KAZN: variants seen among roughly 807,000 people sequenced by gnomAD.
The protein encoded by KAZN is kazrin.
A neutral mutation model predicts 87.4 loss-of-function variants in KAZN; 40 were observed. That is an observed-to-expected ratio of 0.46 (90% CI 0.36 to 0.60). The LOEUF (loss-of-function observed/expected upper bound fraction) is 0.60. KAZN is among the 20% of genes least tolerant of loss of function. The pLI is 0.00. For synonymous variants in KAZN, 466 were observed against 458.3 expected, an observed-to-expected ratio of 1.02 and a Z score of -0.22; for missense variants, 898 against 1,073.9, an observed-to-expected ratio of 0.84 and a Z score of 2.29.
intron 4 of KAZN, among the ~76,000 whole-genome samples, chr1:15,048,885 T>A (rs1168567378): frequency 6.6e-6 from 1 of 151,636 alleles, no homozygotes; most frequent in African/African-American, 2.4e-5. Context: ...TCGTTGGTCC[T>A]GGGTCGTTGG....
chr1:14,730,924 T>G (rs1294849839), intron 1 of KAZN, among the ~76,000 whole-genome samples: 1 of 152,150 alleles, frequency 6.6e-6, no homozygotes, highest in Non-Finnish European at 1.5e-5. Flanking sequence ...TGCCCACTCT[T>G]GGGCACAGCA....
intron 1 of KAZN, among the ~76,000 whole-genome samples, chr1:13,993,898 G>A (rs1639394951): frequency 6.6e-6 from 1 of 152,200 alleles, no homozygotes; most frequent in Admixed American, 6.5e-5. Context: ...ATAGTTTTAT[G>A]TCAATCCCTT....
intron 2 of KAZN, among the ~76,000 whole-genome samples, chr1:14,446,349 A>C (rs1412595226): frequency 6.6e-6 from 1 of 152,210 alleles, no homozygotes; most frequent in Non-Finnish European, 1.5e-5. Context: ...CCCAGGGCCC[A>C]GTACATAGCA....
At chr1:15,015,170 T>C (rs1000926335) in intron 2 of KAZN, among the ~76,000 whole-genome samples, 1 of 149,698 alleles carries the variant, frequency 6.7e-6, no homozygotes, top group Non-Finnish European at 1.5e-5. Context: ...ATTTATTTAT[T>C]TGAGACGGAG....
intron 2 of KAZN, among the ~76,000 whole-genome samples, chr1:14,422,655 A>G (rs1226125565): frequency 2.0e-5 from 3 of 152,250 alleles, no homozygotes; most frequent in South Asian, 2.1e-4. Flanking sequence ...ATACAGTTAT[A>G]TGATATCTAG....
chr1:14,158,278 G>A (rs1645638287), intron 1 of KAZN, among the ~76,000 whole-genome samples: 2 of 152,018 alleles, frequency 1.3e-5, no homozygotes, highest in Admixed American at 6.6e-5. Context: ...TTATAGGTGT[G>A]CTTCATTGTT....
At position 15,081,953 on chromosome 1, in the gene KAZN, G is replaced by A. The variant is rs573168195; in HGVS notation, c.1223-12227G>A. On this transcript the variant is annotated intron_variant, in intron 8 of 14. Coordinates refer to ENST00000376030, the MANE Select transcript of KAZN (RefSeq NM_201628.3). This position sits in a 1 kb window ranked among gnomAD's most constrained non-coding sequence, Gnocchi z 4.1. The stretch of plus-strand genomic sequence containing the variant: ...TAAAAAAATTTCCTCTGGGCTTGAA[G>A]AGGATGGAATGAAAGAGAAAGAGGG... Among the ~76,000 whole-genome samples, 52 of 152,192 alleles carry A rather than the reference G, an allele frequency of 3.4e-4. No homozygotes were observed. The highest frequency in any genetic ancestry group is 7.1e-4 in the Non-Finnish European group (48 of 68,020).
At chr1:14,067,464 C>G (rs1643053751) in intron 1 of KAZN, among the ~76,000 whole-genome samples, 1 of 152,160 alleles carries the variant, frequency 6.6e-6, no homozygotes, top group South Asian at 2.1e-4. Context: ...AGCCCCTACC[C>G]CAGATTGTGA....
At chr1:14,602,432 T>A (rs901303639) in intron 1 of KAZN, among the ~76,000 whole-genome samples, 2 of 152,132 alleles carry the variant, frequency 1.3e-5, no homozygotes, top group Non-Finnish European at 2.9e-5. Context: ...AGGCTGCCTT[T>A]TGGGTCGGTG....
At chr1:14,994,484 A>G (rs1414073375) in intron 2 of KAZN, among the ~76,000 whole-genome samples, 1 of 152,202 alleles carries the variant, frequency 6.6e-6, no homozygotes, top group Non-Finnish European at 1.5e-5. Context: ...CCATCTTCCC[A>G]TCCAGGCTGA....
intron 5 of KAZN, among the ~76,000 whole-genome samples, chr1:15,059,812 C>T (rs749838193): frequency 1.3e-5 from 2 of 152,164 alleles, no homozygotes; most frequent in African/African-American, 4.8e-5. Flanking sequence ...TAATGCATCA[C>T]GGTGCTGCTT....
intron 1 of KAZN, among the ~76,000 whole-genome samples, chr1:14,749,428 A>G (rs75003281): frequency 0.021 from 3,253 of 152,308 alleles, 60 homozygotes; most frequent in South Asian, 0.08. Context: ...AACACCCTCA[A>G]TGGAGCAAAA....
At chr1:14,529,376 G>A (rs1041022286) in intron 2 of KAZN, among the ~76,000 whole-genome samples, 6 of 152,222 alleles carry the variant, frequency 3.9e-5, no homozygotes, top group Non-Finnish European at 7.3e-5. Flanking sequence ...AGCATCATGT[G>A]TCTCTGAGGG....
chr1:15,054,663 A>AAG (rs1553181657), intron 4 of KAZN, among the ~76,000 whole-genome samples: 1 of 151,512 alleles, frequency 6.6e-6, no homozygotes, highest in Admixed American at 6.6e-5. Flanking sequence ...AAAAAAAAAA[A>AAG]AAGAAGAAGA....
chr1:14,777,777 T>A (rs1407991634), intron 1 of KAZN, among the ~76,000 whole-genome samples: 1 of 152,226 alleles, frequency 6.6e-6, no homozygotes, highest in Non-Finnish European at 1.5e-5. Flanking sequence ...AGGGATAGAT[T>A]ACTTGTGAGT....
chr1:14,588,697 A>G (rs1676002887), intron 2 of KAZN, among the ~76,000 whole-genome samples: 1 of 152,198 alleles, frequency 6.6e-6, no homozygotes, highest in South Asian at 2.1e-4. Context: ...GATGCCTCCT[A>G]ATGAATGACA....
At chr1:14,907,621 G>A (rs79069962) in intron 1 of KAZN, among the ~76,000 whole-genome samples, 12,169 of 152,148 alleles carry the variant, frequency 0.08, 543 homozygotes, top group Middle Eastern at 0.14. Flanking sequence ...GACTCTGCCC[G>A]GGCATGTCCT....
chr1:14,079,611 G>A (rs146536125), intron 1 of KAZN, among the ~76,000 whole-genome samples: 326 of 152,266 alleles, frequency 2.1e-3, no homozygotes, highest in Middle Eastern at 6.8e-3. Flanking sequence ...TGCTAGAAAC[G>A]GAATGATGTC....
chr1:14,480,143 T>C (rs1452335912), intron 2 of KAZN, among the ~76,000 whole-genome samples: 1 of 152,178 alleles, frequency 6.6e-6, no homozygotes, highest in Non-Finnish European at 1.5e-5. Context: ...CAGCCAGCCT[T>C]CCCATGTCAC....
Sources: gnomAD v4.1 joint callset for allele counts (sites outside exome capture counted in the v4.1 genomes callset) on GRCh38, gnomAD v4.1.1 for gene constraint, Gnocchi (gnomAD v3.1) non-coding constraint, MANE v1.5 for transcripts, NCBI Gene and HGNC (gene_info 2026-07-23, HGNC 2026-07-21) for gene names.